Variants in MALRD1 observed in about 807,000 individuals in gnomAD.
The protein encoded by MALRD1 is MAM and LDL receptor class A domain containing 1.
Under a neutral mutation model 242.1 loss-of-function variants are expected in MALRD1, and 247 were observed. That is an observed-to-expected ratio of 1.02 (90% CI 0.92 to 1.13). MALRD1 has a LOEUF of 1.13. MALRD1 is among the 50% of genes most tolerant of loss of function. The pLI is 0.00. For missense variants in MALRD1, 2,989 were observed against 2,533.1 expected, an observed-to-expected ratio of 1.18 and a Z score of -3.86; for synonymous variants, 995 against 866.6, an observed-to-expected ratio of 1.15 and a Z score of -2.60.
chr10:19,537,455 G>C (rs1440628844), intron 32 of MALRD1, among the ~76,000 whole-genome samples: 1 of 152,016 alleles, frequency 6.6e-6, no homozygotes, highest in African/African-American at 2.4e-5. Flanking sequence ...GACCTTTTTT[G>C]TGACTTCACA....
chr10:19,608,215 C>T, intron 35 of MALRD1, among the ~76,000 whole-genome samples: 1 of 151,960 alleles, frequency 6.6e-6, no homozygotes, highest in East Asian at 1.9e-4. Context: ...TGCTTGGTTT[C>T]TATAATAAGG....
At chr10:19,399,089 A>G (rs1431771622) in intron 28 of MALRD1, among the ~76,000 whole-genome samples, 2 of 152,218 alleles carry the variant, frequency 1.3e-5, no homozygotes, top group African/African-American at 4.8e-5. Flanking sequence ...ATCTGAGAGA[A>G]GGAAGAGAAT....
At chr10:19,671,750 C>G (rs1355842051) in intron 36 of MALRD1, among the ~76,000 whole-genome samples, 1 of 152,120 alleles carries the variant, frequency 6.6e-6, no homozygotes, top group Non-Finnish European at 1.5e-5. Context: ...TTAGAATGCA[C>G]AGGAAATAAT....
intron 32 of MALRD1, among the ~76,000 whole-genome samples, chr10:19,539,796 C>T (rs1834856021): frequency 6.6e-6 from 1 of 151,572 alleles, no homozygotes; most frequent in Non-Finnish European, 1.5e-5. Flanking sequence ...AAGTTATCCT[C>T]CCACGTCAGC....
chr10:19,209,695 T>C lies in MALRD1; in HGVS notation c.2991+15T>C. 3.3e-6 allele frequency: 5 copies of C among 1,516,682 alleles called. No homozygotes were observed. The highest frequency in any genetic ancestry group is 4.4e-6 in the Non-Finnish European group (5 of 1,130,990). The allele number at this position is 1,516,682 out of a possible 1,614,324, so 94.0% of individuals were successfully genotyped here. ...AGCCCTTTCAGGTATGGATAATAGA[T>C]TTTATAATGTACATTTGAAATGCAT... On this transcript the variant is annotated intron_variant, in intron 18 of 39. Coordinates refer to ENST00000454679, the MANE Select transcript of MALRD1 (RefSeq NM_001142308.3).
At chr10:19,126,274 G>C (rs1837280216) in intron 7 of MALRD1, among the ~76,000 whole-genome samples, 2 of 152,052 alleles carry the variant, frequency 1.3e-5, no homozygotes, top group African/African-American at 4.8e-5. Context: ...ATCATCACTT[G>C]CAGAAATTAT....
intron 18 of MALRD1, among the ~76,000 whole-genome samples, chr10:19,235,609 A>G (rs1012917703): frequency 7.3e-6 from 1 of 136,486 alleles, no homozygotes; most frequent in Non-Finnish European, 1.6e-5. Context: ...AGAGAGAGAG[A>G]GAGAGCGCCT....
chr10:19,602,630 A>G (rs571116361), intron 34 of MALRD1, among the ~76,000 whole-genome samples: 1 of 152,134 alleles, frequency 6.6e-6, no homozygotes, highest in East Asian at 1.9e-4. Flanking sequence ...AGTCTTTGCT[A>G]TTGTGAATAG....
chr10:19,281,137 T>G (rs1379809956), intron 20 of MALRD1, among the ~76,000 whole-genome samples: 2 of 152,182 alleles, frequency 1.3e-5, no homozygotes, highest in African/African-American at 4.8e-5. Context: ...ATTAACTATC[T>G]AATCTAGACT....
chr10:19,559,767 A>G (rs143102818), intron 32 of MALRD1, among the ~76,000 whole-genome samples: 129 of 152,320 alleles, frequency 8.5e-4, no homozygotes, highest in African/African-American at 2.4e-3. Context: ...TCCAGAATCT[A>G]CAAGAAAGTT....
chr10:19,144,888 G>A (rs1408422899), intron 10 of MALRD1, among the ~76,000 whole-genome samples: 2 of 152,178 alleles, frequency 1.3e-5, no homozygotes, highest in Admixed American at 6.5e-5. Flanking sequence ...CTCAGTGGTA[G>A]TTTGGCTGTT....
rs1367000188 is a variant in MALRD1 at position 19,203,897 on chromosome 10, G to C, written c.2104+17G>C. ...CATCTCAAGGTAAGAAGCAAACAGGGACTCTACAACCACTGCTATTTACTG... is the reference window on the plus strand; with the variant it reads ...CATCTCAAGGTAAGAAGCAAACAGGCACTCTACAACCACTGCTATTTACTG... On this transcript the variant is annotated intron_variant, in intron 15 of 39. Coordinates refer to ENST00000454679, the MANE Select transcript of MALRD1 (RefSeq NM_001142308.3). 1 of 1,550,244 alleles carries C rather than the reference G, an allele frequency of 6.5e-7. No homozygotes were observed. Among genetic ancestry groups the C allele is most frequent in the African/African-American group, 1.4e-5 (1 of 73,008 alleles).
At position 19,347,623 on chromosome 10, in the gene MALRD1, A is replaced by G. The variant is rs774056151; in HGVS notation, c.3902-148A>G. 7.7e-4 allele frequency: 732 copies of G among 947,004 alleles called. 1 individual carries two copies. The highest frequency in any genetic ancestry group is 1.0e-3 in the Non-Finnish European group (663 of 655,882). The allele number at this position is 947,004 out of a possible 1,614,324, so 58.7% of individuals were successfully genotyped here. A position where few individuals can be genotyped will look rare whatever the true frequency, so the allele number is the denominator to read the frequency against. On this transcript the variant is annotated intron_variant, in intron 24 of 39. Coordinates refer to ENST00000454679, the MANE Select transcript of MALRD1 (RefSeq NM_001142308.3). The stretch of plus-strand genomic sequence containing the variant: ...ATAGCTGTGTGTATCGCAAACCAAA[A>G]TAGTCTCTTTATATGTTGCTATCAG...
intron 32 of MALRD1, among the ~76,000 whole-genome samples, chr10:19,557,463 A>C (rs904847021): frequency 2.6e-5 from 4 of 152,046 alleles, no homozygotes; most frequent in Non-Finnish European, 5.9e-5. Flanking sequence ...TTTTGGTAAC[A>C]CATGTATACT....
At chr10:19,291,562 A>G (rs1421147959) in intron 21 of MALRD1, 1 of 151,858 alleles carries the variant, frequency 6.6e-6, no homozygotes, top group Non-Finnish European at 1.5e-5. Context: ...AAAAAAATTC[A>G]TGGAATGGAG....
Position 19,498,560 on chromosome 10 carries a change from C to T in MALRD1, c.5234C>T (p.Thr1745Ile), listed in dbSNP as rs752554672. ...SGNWTTACSL[T>I]QDSEDDLDWA... ...AACTGGACCACAGCCTGCAGTCTTA[C>T]TCAAGACTCTGAGGATGACTTGGAC... The change falls in exon 31 of 40, where the codon ACT becomes ATT. Residue 1745 changes from threonine to isoleucine, a missense_variant. Thr to Ile is a moderately conservative substitution (Grantham distance 89). Coordinates refer to ENST00000454679, the MANE Select transcript of MALRD1 (RefSeq NM_001142308.3). 88 of 1,550,136 alleles carry T rather than the reference C, an allele frequency of 5.7e-5. No homozygotes were observed. The highest frequency in any genetic ancestry group is 7.1e-5 in the Non-Finnish European group (81 of 1,146,822).
chr10:19,283,146 G>A lies in MALRD1; in HGVS notation c.3384G>A (p.Gly1128=). 2 of 1,548,498 alleles carry A rather than the reference G, an allele frequency of 1.3e-6. No individual in the cohort carries two copies. Residue 1128 remains glycine, a synonymous_variant, in exon 21 of 40, where the codon GGG becomes GGA. Coordinates refer to ENST00000454679, the MANE Select transcript of MALRD1 (RefSeq NM_001142308.3). ...GGAACGGGATCAGCATTCATCATGG[G>A]GAAGAAAACCACAGGCCATCAGTGG... ...GLGNGISIHH[G]EENHRPSVDH... is the part of the protein sequence containing the mutation.
At position 19,124,619 on chromosome 10, in the gene MALRD1, A is replaced by T; in HGVS notation, c.892A>T (p.Ile298Phe). The T allele has an allele frequency of 8.1e-7, 1 of 1,233,836 alleles. No individual in the cohort carries two copies. The allele number at this position is 1,233,836 out of a possible 1,614,324, so 76.4% of individuals were successfully genotyped here. Reference sequence around the variant, plus strand: ...CTGGATGCGCACAAAAGCGAGAGAGATCCCTGCATTCGAATCCACACCTCA... The same window carrying T: ...CTGGATGCGCACAAAAGCGAGAGAGTTCCCTGCATTCGAATCCACACCTCA... ...ISWMRTKARE[I>F]PAFESTPQQD... The change falls in exon 7 of 40, where the codon ATC becomes TTC. Residue 298 changes from isoleucine (I) to phenylalanine (F), a missense_variant. Transcript: ENST00000454679.
At chr10:19,100,832 A>G (rs767663711) in intron 4 of MALRD1, among the ~76,000 whole-genome samples, 1 of 152,126 alleles carries the variant, frequency 6.6e-6, no homozygotes, top group Non-Finnish European at 1.5e-5. Flanking sequence ...AACCAGAGAC[A>G]TGTGATATAG....
Sources: allele counts gnomAD v4.1 joint callset (sites outside exome capture counted in the v4.1 genomes callset), GRCh38; gene constraint gnomAD v4.1.1; transcripts MANE v1.5; gene names NCBI Gene and HGNC (gene_info 2026-07-23, HGNC 2026-07-21).